Variants in SPOCK3 observed in about 807,000 individuals in gnomAD.
The protein encoded by SPOCK3 is testican-3.
SPOCK3 carries 30 observed loss-of-function variants against 56.6 expected under a neutral mutation model. The ratio of observed to expected loss-of-function variants is 0.53; its 90% CI spans 0.40 to 0.72. SPOCK3 has a LOEUF of 0.72. Ranked by LOEUF, SPOCK3 falls within the 30% of genes least tolerant of loss-of-function variation. The pLI, the probability that SPOCK3 is intolerant of heterozygous loss-of-function variation, is 0.00. For synonymous variants in SPOCK3, 196 were observed against 183.3 expected (o/e 1.07, Z -0.56); for missense variants, 527 against 530.0 (o/e 0.99, Z 0.06).
At chr4:166,902,443 T>C (rs1240451958) in intron 5 of SPOCK3, among the ~76,000 whole-genome samples, 1 of 152,088 alleles carries the variant, frequency 6.6e-6, no homozygotes, top group African/African-American at 2.4e-5. Context: ...AATTCTCTTC[T>C]AATATTTTCT....
intron 7 of SPOCK3, among the ~76,000 whole-genome samples, chr4:166,765,503 G>C (rs1270364424): frequency 6.6e-6 from 1 of 152,122 alleles, no homozygotes; most frequent in African/African-American, 2.4e-5. Context: ...TTGTAGATGT[G>C]TGGTATTATT....
At chr4:166,984,479 G>A (rs1363537782) in intron 4 of SPOCK3, among the ~76,000 whole-genome samples, 1 of 151,992 alleles carries the variant, frequency 6.6e-6, no homozygotes, top group African/African-American at 2.4e-5. Flanking sequence ...TAAGTGCTTT[G>A]TAATAAATTT....
At chr4:166,990,917 A>G (rs1747715244) in intron 4 of SPOCK3, among the ~76,000 whole-genome samples, 1 of 152,166 alleles carries the variant, frequency 6.6e-6, no homozygotes, top group Admixed American at 6.6e-5. Flanking sequence ...TGAAGAGATT[A>G]TTAAAAACAG....
At chr4:167,129,382 C>A (rs1272383648) in intron 2 of SPOCK3, among the ~76,000 whole-genome samples, 1 of 152,180 alleles carries the variant, frequency 6.6e-6, no homozygotes, top group East Asian at 1.9e-4. Flanking sequence ...TTACTGGCAA[C>A]ACACTCTTAT....
chr4:167,079,970 G>A lies in SPOCK3; in HGVS notation c.190-17433C>T, dbSNP rs141595327. On this transcript the variant is annotated intron_variant, in intron 2 of 10. Coordinates refer to ENST00000357545, the MANE Select transcript of SPOCK3 (RefSeq NM_001040159.2). ...AAGGATTTAGACAGTTGAAAAAGCA[G>A]TGAGTAGAGTTTAAAATCCCTACAA... 2.3e-3 allele frequency among the ~76,000 whole-genome samples: 344 copies of A among 152,122 alleles called. 2 individuals are homozygous for A. Among genetic ancestry groups the A allele is most frequent in the African/African-American group, 7.8e-3 (324 of 41,548 alleles).
intron 6 of SPOCK3, among the ~76,000 whole-genome samples, chr4:166,806,629 A>G (rs758668390): frequency 6.6e-6 from 1 of 152,100 alleles, no homozygotes; most frequent in Non-Finnish European, 1.5e-5. Context: ...ATGTGAATGT[A>G]TTATGTAAAG....
intron 2 of SPOCK3, among the ~76,000 whole-genome samples, chr4:167,134,083 C>A (rs10030017): frequency 0.036 from 4,618 of 129,554 alleles, 254 homozygotes; most frequent in African/African-American, 0.13. Context: ...GGCTGAAGTG[C>A]AGTGGCATGA....
chr4:166,972,993 G>A (rs1156790373), intron 4 of SPOCK3, among the ~76,000 whole-genome samples: 1 of 151,840 alleles, frequency 6.6e-6, no homozygotes, highest in African/African-American at 2.4e-5. Flanking sequence ...GATATCGTTC[G>A]GCTCTGTTTA....
intron 6 of SPOCK3, among the ~76,000 whole-genome samples, chr4:166,858,193 G>T (rs1730883407): frequency 6.6e-6 from 1 of 152,144 alleles, no homozygotes; most frequent in Non-Finnish European, 1.5e-5. Context: ...ATACCACATA[G>T]ATAAGAGTTA....
intron 3 of SPOCK3, among the ~76,000 whole-genome samples, chr4:167,019,243 C>T (rs1002067841): frequency 6.6e-6 from 1 of 151,896 alleles, no homozygotes; most frequent in African/African-American, 2.4e-5. Flanking sequence ...TCTTTGGCAC[C>T]CATTTTATTG....
intron 7 of SPOCK3, among the ~76,000 whole-genome samples, chr4:166,785,066 C>T (rs1019063684): frequency 9.2e-5 from 14 of 152,172 alleles, no homozygotes; most frequent in African/African-American, 3.1e-4. Context: ...ATAGTAAGCA[C>T]AACATATTCT....
At chr4:166,851,431 G>A (rs565285930) in intron 6 of SPOCK3, among the ~76,000 whole-genome samples, 71 of 152,350 alleles carry the variant, frequency 4.7e-4, no homozygotes, top group African/African-American at 1.5e-3. Context: ...GCAAAGGAAC[G>A]CAGTTCCTCA....
intron 4 of SPOCK3, among the ~76,000 whole-genome samples, chr4:166,949,896 G>T (rs1403828113): frequency 1.3e-5 from 2 of 151,270 alleles, no homozygotes; most frequent in African/African-American, 4.9e-5. Flanking sequence ...GAGCAATTTT[G>T]TCACCACCAG....
intron 2 of SPOCK3, among the ~76,000 whole-genome samples, chr4:167,197,791 T>C (rs1212963594): frequency 6.6e-6 from 1 of 152,176 alleles, no homozygotes; most frequent in Non-Finnish European, 1.5e-5. Context: ...GAATCCCCAA[T>C]GGCCTTTGCA....
At chr4:166,933,768 A>G (rs544120101) in intron 4 of SPOCK3, among the ~76,000 whole-genome samples, 13 of 152,318 alleles carry the variant, frequency 8.5e-5, no homozygotes, top group African/African-American at 3.1e-4. Flanking sequence ...GTTTCCCTCT[A>G]GAGTAAAACA....
At chr4:167,024,861 T>C (rs10026431) in intron 3 of SPOCK3, among the ~76,000 whole-genome samples, 1 of 151,814 alleles carries the variant, frequency 6.6e-6, no homozygotes, top group Non-Finnish European at 1.5e-5. Flanking sequence ...TAAAAAAAAA[T>C]TTTAAAAATT....
intron 7 of SPOCK3, among the ~76,000 whole-genome samples, chr4:166,762,997 ATTAC>A (rs1373288696): frequency 6.6e-6 from 1 of 152,122 alleles, no homozygotes; most frequent in Non-Finnish European, 1.5e-5. Flanking sequence ...TGAAGAAATA[ATTAC>A]TTACATCTTT....
chr4:166,996,007 A>G (rs746093806), intron 4 of SPOCK3, among the ~76,000 whole-genome samples: 1 of 152,164 alleles, frequency 6.6e-6, no homozygotes, highest in Non-Finnish European at 1.5e-5. Flanking sequence ...TCATATAAAT[A>G]CATTTAGATC....
At chr4:166,770,582 T>A (rs967598879) in intron 7 of SPOCK3, among the ~76,000 whole-genome samples, 1 of 152,042 alleles carries the variant, frequency 6.6e-6, no homozygotes, top group African/African-American at 2.4e-5. Flanking sequence ...AAAACTGATA[T>A]GTCTAATTGA....
Sources: allele counts gnomAD v4.1 joint callset (sites outside exome capture counted in the v4.1 genomes callset), GRCh38; gene constraint gnomAD v4.1.1; transcripts MANE v1.5; gene names NCBI Gene and HGNC (gene_info 2026-07-23, HGNC 2026-07-21).